ANO1: variants seen among roughly 807,000 people sequenced by gnomAD.
The protein encoded by ANO1 is anoctamin 1.
A neutral mutation model predicts 124.0 loss-of-function variants in ANO1; 59 were observed. The observed-to-expected ratio is 0.48, with a 90% confidence interval of 0.39 to 0.59. The LOEUF is 0.59. Ranked by LOEUF, ANO1 falls within the 20% of genes least tolerant of loss-of-function variation. The pLI is 0.00. For missense variants in ANO1, 1,059 were observed against 1,328.0 expected, an observed-to-expected ratio of 0.80 and a Z score of 3.15; for synonymous variants, 529 against 532.0, an observed-to-expected ratio of 0.99 and a Z score of 0.08.
At chr11:70,161,135 C>A in intron 16 of ANO1, 26 bp from the exon 17 acceptor site, 1 of 1,602,112 alleles carries the variant, frequency 6.2e-7, no homozygotes. Flanking sequence ...GGCCCCCAAC[C>A]AAGAGTGCCC....
At chr11:70,093,468 G>A (rs546847518) in intron 2 of ANO1, among the ~76,000 whole-genome samples, 1 of 152,292 alleles carries the variant, frequency 6.6e-6, no homozygotes, top group Admixed American at 6.5e-5. Context: ...AAGCCTGCTG[G>A]ACATTATTTA....
chr11:70,132,015 C>A lies in ANO1; in HGVS notation c.1194C>A (p.Ala398=). 1 of 1,606,968 alleles carries A rather than the reference C, an allele frequency of 6.2e-7. No homozygotes were observed. The highest frequency in any genetic ancestry group is 8.5e-7 in the Non-Finnish European group (1 of 1,178,500). The stretch of plus-strand genomic sequence containing the variant: ...AGATGAGCTCAGCCTGCGCCACGGC[C>A]CGCGCCAGCCACCTCTTCGACAACC... ...YWKMSSACAT[A]RASHLFDNPA... is the part of the protein sequence containing the mutation. The change falls in exon 11 of 26, where the codon GCC becomes GCA. Residue 398 remains alanine (A), a synonymous_variant. Coordinates refer to ENST00000355303, the MANE Select transcript of ANO1 (RefSeq NM_018043.7).
chr11:70,067,319 G>T (rs1857752515), intron 1 of ANO1, among the ~76,000 whole-genome samples: 1 of 135,548 alleles, frequency 7.4e-6, no homozygotes, highest in Non-Finnish European at 1.5e-5. Flanking sequence ...AAGGAATCGT[G>T]GGTGTTTTTT....
At chr11:70,125,387 G>A (rs2046457595) in intron 9 of ANO1, among the ~76,000 whole-genome samples, 2 of 143,678 alleles carry the variant, frequency 1.4e-5, no homozygotes. Flanking sequence ...GTGGTGGCAA[G>A]CATCTGTAGT....
At position 70,188,735 on chromosome 11, in the gene ANO1, C is replaced by CA. The variant is rs1202124046; in HGVS notation, c.*732dup. 8 of 152,254 alleles carry CA rather than the reference C, an allele frequency of 5.3e-5. No individual in the cohort carries two copies. The highest frequency in any genetic ancestry group is 1.2e-4 in the African/African-American group (5 of 41,430). The allele number at this position is 152,254 out of a possible 1,614,324, so 9.4% of individuals were successfully genotyped here. ...TGCCCCCATCACACCAAGCCGACCT[C>CA]AGAGTTGTTCATCTTCCTTATGGGA... On this transcript the variant is annotated 3_prime_UTR_variant, in exon 26 of 26. Transcript: ENST00000355303.
At chr11:69,973,814 G>GT in the ANO1 span, among the ~76,000 whole-genome samples, 1 of 151,754 alleles carries the variant, frequency 6.6e-6, no homozygotes, top group African/African-American at 2.4e-5. Context: ...GGAGGTTGCA[G>GT]TGAGTCGAGA....
At chr11:70,150,958 G>A (rs1202877325) in intron 12 of ANO1, among the ~76,000 whole-genome samples, 2 of 152,080 alleles carry the variant, frequency 1.3e-5, no homozygotes, top group South Asian at 2.1e-4. Context: ...CCAGCTTTGG[G>A]TTGACAATAT....
intron 10 of ANO1, among the ~76,000 whole-genome samples, chr11:70,128,351 G>A (rs1383956642): frequency 6.6e-6 from 1 of 152,196 alleles, no homozygotes; most frequent in Non-Finnish European, 1.5e-5. Context: ...GCTGGCTTTA[G>A]GCTAGGAGCT....
chr11:70,125,960 C>T (rs1392082541), intron 9 of ANO1, 101 bp from the exon 10 acceptor site: 2 of 1,396,722 alleles, frequency 1.4e-6, no homozygotes, highest in Non-Finnish European at 1.9e-6. Context: ...GGAACCAGTG[C>T]CCCTGGTTTG....
At chr11:69,988,653 C>T (rs1010857846) in intron 1 of ANO1, among the ~76,000 whole-genome samples, 1 of 152,174 alleles carries the variant, frequency 6.6e-6, no homozygotes, top group Non-Finnish European at 1.5e-5. Context: ...GTACAGATGC[C>T]CCCTCCCATT....
In ANO1 at chr11:70,111,684, T is replaced by C. The variant is rs58667097; in HGVS notation, c.800-23T>C. 4.2e-4 allele frequency: 683 copies of C among 1,613,804 alleles called. 5 individuals carry two copies. The African/African-American group carries it at 8.3e-3, about 20-fold the overall frequency. ...CGGGAGACCCGCCTGCCCCATAACC[T>C]TCTCTCTGCCTCTGTTTTTAAGGCA... On this transcript the variant is annotated intron_variant, in intron 6 of 25. Transcript: ENST00000355303.
chr11:69,995,315 T>A (rs1554998236), intron 1 of ANO1, among the ~76,000 whole-genome samples: 1 of 152,062 alleles, frequency 6.6e-6, no homozygotes, highest in Non-Finnish European at 1.5e-5. Flanking sequence ...GCCAGGCTGG[T>A]CTTGAACTCC....
At chr11:70,061,127 T>C (rs1555007684) in intron 1 of ANO1, among the ~76,000 whole-genome samples, 1 of 152,062 alleles carries the variant, frequency 6.6e-6, no homozygotes, top group Non-Finnish European at 1.5e-5. Flanking sequence ...GCATGTATGC[T>C]GATGGGGGAT....
At chr11:70,052,831 G>A (rs1173322517) in intron 1 of ANO1, among the ~76,000 whole-genome samples, 3 of 151,970 alleles carry the variant, frequency 2.0e-5, no homozygotes, top group Non-Finnish European at 2.9e-5. Context: ...CTGGGCTTAA[G>A]CCACTGCGCC....
At chr11:70,122,445 CCTCT>C (rs2135471266) in intron 8 of ANO1, among the ~76,000 whole-genome samples, 1 of 147,736 alleles carries the variant, frequency 6.8e-6, no homozygotes, top group African/African-American at 2.5e-5. Flanking sequence ...CACCTCCCCA[CCTCT>C]CTCTGTCTCT....
At chr11:69,975,089 G>A in the ANO1 span, among the ~76,000 whole-genome samples, 1 of 152,152 alleles carries the variant, frequency 6.6e-6, no homozygotes. Flanking sequence ...AACCGCACGT[G>A]GCTACCATGG....
intron 1 of ANO1, among the ~76,000 whole-genome samples, chr11:69,996,677 CA>C (rs1856276897): frequency 6.6e-6 from 1 of 152,160 alleles, no homozygotes; most frequent in Non-Finnish European, 1.5e-5. Context: ...TCAGGTCACA[CA>C]GCAGTTTGGT....
chr11:70,186,478 A>G (rs1212813028), intron 25 of ANO1, among the ~76,000 whole-genome samples: 1 of 152,192 alleles, frequency 6.6e-6, no homozygotes. Context: ...GAGTCAGGAC[A>G]GACAGGAGGG....
At chr11:69,986,242 G>A (rs1207065080) in intron 1 of ANO1, 1 of 152,456 alleles carries the variant, frequency 6.6e-6, no homozygotes, top group African/African-American at 2.4e-5. Flanking sequence ...CCCAGGGGCA[G>A]TGGCTTGCGG....
Sources: allele counts gnomAD v4.1 joint callset (sites outside exome capture counted in the v4.1 genomes callset), GRCh38; gene constraint gnomAD v4.1.1; transcripts MANE v1.5; gene names NCBI Gene and HGNC (gene_info 2026-07-23, HGNC 2026-07-21).